The following SON variants were observed in gnomAD, a reference collection of about 807,000 sequenced individuals.
SON encodes the protein SON DNA and RNA binding protein.
A neutral mutation model predicts 173.3 loss-of-function variants in SON; 4 were observed. The ratio of observed to expected loss-of-function variants is 0.02; its 90% CI spans 0.01 to 0.05. SON has a LOEUF of 0.05. Among genes scored for constraint, SON ranks in the 10% least tolerant of loss-of-function variants. The pLI is 1.00. For missense variants in SON, 2,626 were observed against 3,055.3 expected (o/e 0.86, Z 3.31); for synonymous variants, 1,190 against 1,105.9 (o/e 1.08, Z -1.51).
In SON at chr21:33,553,412, C is replaced by T; in HGVS notation, c.4181C>T (p.Pro1394Leu). Residue 1394 changes from proline (P) to leucine (L), a missense_variant, in exon 3 of 12, where the codon CCT (proline) becomes CTT (leucine). Transcript: ENST00000356577. ...CCTTCGGTTGTGACTGTCCCGGAGCCTCCTGTTGTGGCTGAGCCAGACTAT... is the reference window on the plus strand; with the variant it reads ...CCTTCGGTTGTGACTGTCCCGGAGCTTCCTGTTGTGGCTGAGCCAGACTAT... ...LEPSVVTVPE[P>L]PVVAEPDYVT... The T allele has an allele frequency of 6.2e-7, 1 of 1,613,886 alleles. No homozygotes were observed. Among genetic ancestry groups the T allele is most frequent in the Non-Finnish European group, 8.5e-7 (1 of 1,179,794 alleles).
Position 33,546,360 on chromosome 21 carries a change from A to G in SON, c.225A>G (p.Thr75=). 4 of 1,609,458 alleles carry G rather than the reference A, an allele frequency of 2.5e-6. No homozygotes were observed. The highest frequency in any genetic ancestry group is 3.4e-6 in the Non-Finnish European group (4 of 1,178,722). The change falls in exon 2 of 12, where the codon ACA becomes ACG. Residue 75 remains threonine, a synonymous_variant. Coordinates refer to ENST00000356577, the MANE Select transcript of SON (RefSeq NM_138927.4). The stretch of plus-strand genomic sequence containing the variant: ...AAGTACTTTCTGGGGTCTTAGATAC[A>G]GAACTACGATATAAGCCAGGTAAGT... The part of the protein sequence containing the change: ...IEEVLSGVLD[T]ELRYKPDLKE...
intron 6 of SON, among the ~76,000 whole-genome samples, chr21:33,564,025 T>A (rs1262558535): frequency 6.6e-6 from 1 of 152,238 alleles, no homozygotes; most frequent in African/African-American, 2.4e-5. Context: ...AGAATTATTT[T>A]TATACACTAG....
At chr21:33,556,821 G>A (rs1438308064) in intron 3 of SON, among the ~76,000 whole-genome samples, 1 of 151,784 alleles carries the variant, frequency 6.6e-6, no homozygotes, top group Non-Finnish European at 1.5e-5. Flanking sequence ...ATAGGCTTTG[G>A]CAGGTTTATA....
Position 33,549,817 on chromosome 21 carries a change from G to A in SON, c.586G>A (p.Val196Ile), listed in dbSNP as rs764217117. Residue 196 changes from valine (V) to isoleucine (I), a missense_variant, in exon 3 of 12, where the codon GTA (valine) becomes ATA (isoleucine). This residue lies in a region of SON where 757 missense variants were observed against 730.1 expected (regional missense o/e 1.04). Coordinates refer to ENST00000356577, the MANE Select transcript of SON (RefSeq NM_138927.4). ...AGAACCTCCTGTAGTATCAATGGAGGTATCAGAGCCACACATCTTAGAAAC... is the reference window on the plus strand; with the variant it reads ...AGAACCTCCTGTAGTATCAATGGAGATATCAGAGCCACACATCTTAGAAAC... ...VLEPPVVSME[V>I]SEPHILETLK... 2 of 1,614,212 alleles carry A rather than the reference G, an allele frequency of 1.2e-6. No individual in the cohort carries two copies. Among genetic ancestry groups the A allele is most frequent in the Non-Finnish European group, 1.7e-6 (2 of 1,180,046 alleles).
chr21:33,571,446 C>T (rs552636869), intron 8 of SON, among the ~76,000 whole-genome samples: 93 of 152,282 alleles, frequency 6.1e-4, no homozygotes, highest in Non-Finnish European at 1.3e-3. Flanking sequence ...CCAACATCCT[C>T]CGTGTTCTTT....
At chr21:33,564,060 T>C (rs2086118428) in intron 6 of SON, among the ~76,000 whole-genome samples, 1 of 152,230 alleles carries the variant, frequency 6.6e-6, no homozygotes, top group African/African-American at 2.4e-5. Context: ...TTATAGTGTA[T>C]TGGTAGAAAC....
rs1242271965 is a variant in SON, at chr21:33,554,837, G to A, written c.5606G>A (p.Arg1869His). Residue 1869 changes from arginine (R) to histidine (H), a missense_variant, in exon 3 of 12, where the codon CGC (arginine) becomes CAC (histidine). By Grantham distance (29) the Arg-to-His change is conservative. Coordinates refer to ENST00000356577, the MANE Select transcript of SON (RefSeq NM_138927.4). ...SQTRSRSRSR[R>H]RRRSSRSRSK... is the part of the protein sequence containing the mutation. ...ACACGTTCACGGTCACGTTCAAGAC[G>A]CAGGAGGAGAAGCAGCAGATCAAGA... 6.8e-6 allele frequency: 11 copies of A among 1,613,852 alleles called. No individual in the cohort carries two copies. The highest frequency in any genetic ancestry group is 9.3e-6 in the Non-Finnish European group (11 of 1,180,036).
intron 7 of SON, chr21:33,567,517 C>A: frequency 4.4e-6 from 2 of 457,790 alleles, no homozygotes; most frequent in East Asian, 4.0e-5. Flanking sequence ...ATTTCCCTGT[C>A]CTCACAGAGT....
In SON at chr21:33,576,579, T is replaced by G; in HGVS notation, c.*155T>G. The G allele has an allele frequency of 2.7e-6, 2 of 738,696 alleles. No individual in the cohort carries two copies. Among genetic ancestry groups the G allele is most frequent in the South Asian group, 2.8e-5 (2 of 70,914 alleles). The allele number at this position is 738,696 out of a possible 1,614,324, so 45.8% of individuals were successfully genotyped here. On this transcript the variant is annotated 3_prime_UTR_variant, in exon 12 of 12. Transcript: ENST00000356577. The stretch of plus-strand genomic sequence containing the variant: ...TCAGGAGTGCCTCACGTAGATAGAT[T>G]GAGGTTTTATAATAATCATTTCAGA...
chr21:33,557,541 T>C, intron 4 of SON: 1 of 1,550,610 alleles, frequency 6.4e-7, no homozygotes, highest in Non-Finnish European at 8.7e-7. Context: ...ACTTTTGCTT[T>C]CCAGTTTTAG....
intron 9 of SON, among the ~76,000 whole-genome samples, chr21:33,574,589 T>C (rs2086357603): frequency 6.6e-6 from 1 of 152,200 alleles, no homozygotes; most frequent in South Asian, 2.1e-4. Context: ...TTTTGAATAC[T>C]GATATGATGC....
At chr21:33,575,981 T>G in intron 11 of SON, 88 bp downstream of exon 11, 1 of 675,280 alleles carries the variant, frequency 1.5e-6, no homozygotes, top group Non-Finnish European at 2.5e-6. Flanking sequence ...AGGATTAAGA[T>G]TCTGTTCATG....
rs1255151198 is a variant in SON, at chr21:33,550,467, G to A, written c.1236G>A (p.Pro412=). ...VLELPGPSAT[P]VPELPGPLST... ...AGTTACCTGGGCCCTCTGCTACCCC[G>A]GTGCCAGAGTTGCCAGGGCCCCTTT... is the stretch of plus-strand genomic sequence containing the variant. Residue 412 remains proline (P), a synonymous_variant, in exon 3 of 12, where the codon CCG becomes CCA. Coordinates refer to ENST00000356577, the MANE Select transcript of SON (RefSeq NM_138927.4). 29 of 1,613,428 alleles carry A rather than the reference G, an allele frequency of 1.8e-5. No homozygotes were observed. The highest frequency in any genetic ancestry group is 1.7e-4 in the Middle Eastern group (1 of 6,060).
chr21:33,551,435 T>A lies in SON; in HGVS notation c.2204T>A (p.Met735Lys). Reference sequence around the variant, plus strand: ...GCATCCAACACCATGGACTCCCAAATGCTAGCGTCCAACACCATGGACTCC... The same window carrying A: ...GCATCCAACACCATGGACTCCCAAAAGCTAGCGTCCAACACCATGGACTCC... ...ILASNTMDSQ[M>K]LASNTMDSQM... Residue 735 changes from methionine (M) to lysine (K), a missense_variant, in exon 3 of 12, where the codon ATG (methionine) becomes AAG (lysine). Met to Lys is a moderately conservative substitution (Grantham distance 95, BLOSUM62 -1). Coordinates refer to ENST00000356577, the MANE Select transcript of SON (RefSeq NM_138927.4). 6.2e-7 allele frequency: 1 copy of A among 1,614,102 alleles called. No individual in the cohort carries two copies. Among genetic ancestry groups the A allele is most frequent in the African/African-American group, 1.3e-5 (1 of 75,022 alleles).
chr21:33,551,208 GACA>G lies in SON; in HGVS notation c.1981_1983del (p.Thr661del), dbSNP rs763205842. ...TGGAGATCTCTGTTCAGTCTGTGGT[GACA>G]ACATCGGAGCTGTCAACGATGACCG... On this transcript the variant is annotated inframe_deletion, in exon 3 of 12. Transcript: ENST00000356577. The G allele has an allele frequency of 5.6e-6, 9 of 1,614,016 alleles. No individual in the cohort carries two copies. Among genetic ancestry groups the G allele is most frequent in the Non-Finnish European group, 7.6e-6 (9 of 1,180,006 alleles).
At chr21:33,544,441 G>A (rs900333642) in intron 1 of SON, among the ~76,000 whole-genome samples, 3 of 152,156 alleles carry the variant, frequency 2.0e-5, no homozygotes, top group Admixed American at 2.0e-4. Flanking sequence ...GCTTTTAAAA[G>A]CTAGTCTTTC....
rs1231618912 is a variant in SON at position 33,554,894 on chromosome 21, A to C, written c.5663A>C (p.Lys1888Thr). 3 of 1,614,068 alleles carry C rather than the reference A, an allele frequency of 1.9e-6. No individual in the cohort carries two copies. The highest frequency in any genetic ancestry group is 2.5e-6 in the Non-Finnish European group (3 of 1,180,036). The change falls in exon 3 of 12, where the codon AAA becomes ACA. Residue 1888 changes from lysine to threonine, a missense_variant. Coordinates refer to ENST00000356577, the MANE Select transcript of SON (RefSeq NM_138927.4). ...TCTAGAGGAAGAAGATCTGTATCAA[A>C]AGAGAAGCGCAAAAGATCTCCAAAG... ...SKSRGRRSVSKEKRKRSPKHR... is the reference protein window; with the variant it reads ...SKSRGRRSVSTEKRKRSPKHR...
Position 33,551,320 on chromosome 21 carries a change from G to C in SON, c.2089G>C (p.Gly697Arg). The C allele has an allele frequency of 6.2e-7, 1 of 1,614,104 alleles. No homozygotes were observed. The highest frequency in any genetic ancestry group is 8.5e-7 in the Non-Finnish European group (1 of 1,179,996). Residue 697 changes from glycine (G) to arginine (R), a missense_variant, in exon 3 of 12, where the codon GGG becomes CGG. Physicochemically the swap from Gly to Arg is moderately radical, Grantham distance 125. Around this residue, in one of 13 missense-constraint regions of SON, gnomAD observed 182 missense variants for 193.6 expected, o/e 0.94. Coordinates refer to ENST00000356577, the MANE Select transcript of SON (RefSeq NM_138927.4). ...VAQELPTTLV[G>R]ETSVTVGVDP... Reference sequence around the variant, plus strand: ...ACAGGAGCTGCCTACTACATTAGTGGGGGAGACTTCTGTAACAGTAGGAGT... The same window carrying C: ...ACAGGAGCTGCCTACTACATTAGTGCGGGAGACTTCTGTAACAGTAGGAGT...
In SON at chr21:33,553,416, T is replaced by A; in HGVS notation, c.4185T>A (p.Pro1395=). 3 of 1,613,882 alleles carry A rather than the reference T, an allele frequency of 1.9e-6. No homozygotes were observed. The highest frequency in any genetic ancestry group is 2.5e-6 in the Non-Finnish European group (3 of 1,179,796). The change falls in exon 3 of 12, where the codon CCT becomes CCA. Residue 1395 remains proline, a synonymous_variant. Coordinates refer to ENST00000356577, the MANE Select transcript of SON (RefSeq NM_138927.4). ...EPSVVTVPEP[P]VVAEPDYVTI... ...CGGTTGTGACTGTCCCGGAGCCTCC[T>A]GTTGTGGCTGAGCCAGACTATGTTA...
Sources: allele counts gnomAD v4.1 joint callset (sites outside exome capture counted in the v4.1 genomes callset), GRCh38; gene constraint gnomAD v4.1.1; regional missense constraint gnomAD v4.1.1; transcripts MANE v1.5; gene names NCBI Gene and HGNC (gene_info 2026-07-23, HGNC 2026-07-21).